PTK2: variants seen among roughly 807,000 people sequenced by gnomAD.
PTK2 encodes the protein focal adhesion kinase 1.
Under a neutral mutation model 150.1 loss-of-function variants are expected in PTK2, and 45 were observed. That is an observed-to-expected ratio of 0.30 (90% CI 0.24 to 0.38). The LOEUF (loss-of-function observed/expected upper bound fraction) is 0.38, where lower values mean the gene tolerates loss of function less well. Among genes scored for constraint, PTK2 ranks in the 10% least tolerant of loss-of-function variants. The pLI, the probability that PTK2 is intolerant of heterozygous loss-of-function variation, is 1.00. For missense variants in PTK2, 919 were observed against 1,307.3 expected (o/e 0.70, Z 4.58); for synonymous variants, 432 against 449.2 (o/e 0.96, Z 0.48).
chr8:140,914,775 T>C (rs143073632), intron 2 of PTK2, among the ~76,000 whole-genome samples: 39 of 152,076 alleles, frequency 2.6e-4, no homozygotes, highest in African/African-American at 8.9e-4. Flanking sequence ...GTGGCTCACA[T>C]CTATAATTCC....
chr8:140,834,785 T>C (rs552849134), intron 7 of PTK2, among the ~76,000 whole-genome samples: 2 of 152,318 alleles, frequency 1.3e-5, no homozygotes, highest in East Asian at 3.9e-4. Flanking sequence ...TAAACAGAAC[T>C]CTCTTAATGT....
At chr8:140,806,362 T>G (rs1005598284) in intron 10 of PTK2, among the ~76,000 whole-genome samples, 3 of 152,194 alleles carry the variant, frequency 2.0e-5, no homozygotes, top group Non-Finnish European at 4.4e-5. Flanking sequence ...AATGCACCTG[T>G]ATCAGTTTGC....
intron 14 of PTK2, among the ~76,000 whole-genome samples, chr8:140,774,129 G>A (rs567774864): frequency 6.6e-6 from 1 of 152,248 alleles, no homozygotes; most frequent in Admixed American, 6.5e-5. Context: ...AATGACAGAC[G>A]ATGTCACTCT....
At chr8:140,907,353 A>G (rs1383499311) in intron 2 of PTK2, among the ~76,000 whole-genome samples, 2 of 152,200 alleles carry the variant, frequency 1.3e-5, no homozygotes, top group Non-Finnish European at 2.9e-5. Flanking sequence ...CATCCCAAAT[A>G]AGAAAATACA....
Position 140,879,296 on chromosome 8 carries a change from G to C in PTK2, c.362+175C>G, listed in dbSNP as rs1021960731. On this transcript the variant is annotated intron_variant, in intron 4 of 31. Coordinates refer to ENST00000522684, the Ensembl canonical transcript of PTK2. ...TATAATTAATAATACCCAAAAGCTA[G>C]ACTAGAGGTCTAGAAGAGATCATTC... is the stretch of plus-strand genomic sequence containing the variant. 8.8e-6 allele frequency: 5 copies of C among 567,156 alleles called. No individual in the cohort carries two copies. In the Middle Eastern group the frequency reaches 2.3e-3, roughly 264 times the overall value. 35.1% of individuals were successfully genotyped at this position (567,156 alleles called of 1,614,324 possible). A position where few individuals can be genotyped will look rare whatever the true frequency, so the allele number is the denominator to read the frequency against.
At chr8:140,949,716 C>T (rs2100178864) in intron 1 of PTK2, among the ~76,000 whole-genome samples, 1 of 152,150 alleles carries the variant, frequency 6.6e-6, no homozygotes, top group Admixed American at 6.5e-5. Context: ...AGGCACACCT[C>T]GTCATGAACA....
intron 14 of PTK2, among the ~76,000 whole-genome samples, chr8:140,783,581 T>A (rs114464203): frequency 0.018 from 2,722 of 152,308 alleles, 40 homozygotes; most frequent in Non-Finnish European, 0.023. Context: ...CAGTAATTAT[T>A]ATAGACTATA....
At chr8:140,850,978 T>G (rs1013884724) in intron 5 of PTK2, among the ~76,000 whole-genome samples, 1 of 152,228 alleles carries the variant, frequency 6.6e-6, no homozygotes, top group African/African-American at 2.4e-5. Context: ...TGGTCTCTTT[T>G]GAATATTCTA....
At chr8:140,712,126 ACT>A (rs1274220974) in intron 23 of PTK2, among the ~76,000 whole-genome samples, 5 of 152,144 alleles carry the variant, frequency 3.3e-5, no homozygotes, top group Admixed American at 3.3e-4. Context: ...CAACACTCAT[ACT>A]GTTAGAAATT....
At chr8:140,706,812 C>T (rs1228461495) in intron 23 of PTK2, among the ~76,000 whole-genome samples, 1 of 152,034 alleles carries the variant, frequency 6.6e-6, no homozygotes, top group East Asian at 1.9e-4. Context: ...GAGAGAGTTG[C>T]TTGAGCCGAG....
At chr8:140,725,287 C>A (rs1274208512) in intron 22 of PTK2, among the ~76,000 whole-genome samples, 4 of 152,218 alleles carry the variant, frequency 2.6e-5, no homozygotes, top group African/African-American at 9.7e-5. Context: ...GCATGAGCCA[C>A]CGCAAATGTT....
intron 20 of PTK2, among the ~76,000 whole-genome samples, chr8:140,742,278 C>G (rs2100056175): frequency 6.6e-6 from 1 of 152,190 alleles, no homozygotes; most frequent in Non-Finnish European, 1.5e-5. Flanking sequence ...GATGGTGTGT[C>G]TACTGATTGA....
intron 14 of PTK2, among the ~76,000 whole-genome samples, chr8:140,773,440 A>T (rs947548736): frequency 6.6e-6 from 1 of 152,212 alleles, no homozygotes; most frequent in Non-Finnish European, 1.5e-5. Flanking sequence ...CAGCAGAAGG[A>T]ATATTTTCAA....
chr8:140,796,480 C>T (rs946775236), intron 12 of PTK2, among the ~76,000 whole-genome samples: 1 of 152,174 alleles, frequency 6.6e-6, no homozygotes, highest in African/African-American at 2.4e-5. Flanking sequence ...TCAAATGACA[C>T]ATTAGTGTGA....
intron 2 of PTK2, among the ~76,000 whole-genome samples, chr8:140,912,194 G>C (rs1014748082): frequency 2.6e-5 from 4 of 151,794 alleles, no homozygotes; most frequent in African/African-American, 9.7e-5. Flanking sequence ...AGTGAGCTAT[G>C]ATTATGACAC....
intron 27 of PTK2, among the ~76,000 whole-genome samples, chr8:140,685,335 C>A (rs373076457): frequency 3.8e-4 from 58 of 152,236 alleles, no homozygotes; most frequent in African/African-American, 1.4e-3. Context: ...TAGGCCCTTG[C>A]AAAGATTTCA....
chr8:140,737,660 T>C (rs569429259), intron 21 of PTK2, among the ~76,000 whole-genome samples: 1 of 152,250 alleles, frequency 6.6e-6, no homozygotes, highest in South Asian at 2.1e-4. Context: ...CAAAACAAAC[T>C]CTACTTGAGT....
chr8:140,699,193 T>A (rs1471406106), intron 26 of PTK2, among the ~76,000 whole-genome samples: 1 of 152,112 alleles, frequency 6.6e-6, no homozygotes, highest in Non-Finnish European at 1.5e-5. Context: ...ACAAAGTTAG[T>A]GTCAGTGAAT....
chr8:140,802,964 A>AT (rs1225080834), intron 11 of PTK2, among the ~76,000 whole-genome samples: 1 of 149,106 alleles, frequency 6.7e-6, no homozygotes, highest in Non-Finnish European at 1.5e-5. Flanking sequence ...GACTGTACAT[A>AT]TAATTCCAAG....
Sources: gnomAD v4.1 joint callset for allele counts (sites outside exome capture counted in the v4.1 genomes callset) on GRCh38, gnomAD v4.1.1 for gene constraint, MANE v1.5 for transcripts, NCBI Gene and HGNC (gene_info 2026-07-23, HGNC 2026-07-21) for gene names.